The following SSH2 variants were observed in gnomAD, a reference collection of about 807,000 sequenced individuals.
The protein encoded by SSH2 is protein phosphatase Slingshot homolog 2.
Under a neutral mutation model 135.2 loss-of-function variants are expected in SSH2, and 37 were observed. The ratio of observed to expected loss-of-function variants is 0.27; its 90% CI spans 0.21 to 0.36. The LOEUF is 0.36. Among genes scored for constraint, SSH2 ranks in the 10% least tolerant of loss-of-function variants. The pLI is 1.00. For synonymous variants in SSH2, 628 were observed against 646.2 expected, an observed-to-expected ratio of 0.97 and a Z score of 0.43; for missense variants, 1,408 against 1,765.3, an observed-to-expected ratio of 0.80 and a Z score of 3.63.
rs1489420319 is a variant in SSH2 at position 29,901,120 on chromosome 17, G to C, written c.63+28818C>G. 3.3e-5 allele frequency among the ~76,000 whole-genome samples: 5 copies of C among 152,082 alleles called. No homozygotes were observed. The East Asian group carries it at 9.6e-4, about 29-fold the overall frequency. ...CAGGAAGGGAAACATCACACACCTG[G>C]GCCTGTTGTGGGTTGGGGGGAGGGG... On this transcript the variant is annotated intron_variant, in intron 1 of 15. Transcript: ENST00000540801.
In SSH2 at chr17:29,695,139, C is replaced by A. The variant is rs73987121; in HGVS notation, c.357+320G>T. Reference sequence around the variant, plus strand: ...GTTAAGTCCTTATCTAGAATAATTTCTTTCTACCAATCCAAATCTCATCAT... The same window carrying A: ...GTTAAGTCCTTATCTAGAATAATTTATTTCTACCAATCCAAATCTCATCAT... On this transcript the variant is annotated intron_variant, in intron 5 of 15. Transcript: ENST00000540801. Among the ~76,000 whole-genome samples the A allele has an allele frequency of 8.3e-3, 1,261 of 152,274 alleles. 19 individuals carry two copies. The highest frequency in any genetic ancestry group is 0.029 in the African/African-American group (1,207 of 41,542).
chr17:29,848,969 T>A, intron 1 of SSH2, 40 bp from the exon 2 acceptor site: 1 of 1,398,730 alleles, frequency 7.1e-7, no homozygotes, highest in Non-Finnish European at 9.8e-7. Flanking sequence ...TCCAAACGAA[T>A]GGGCCCATAA....
At chr17:29,803,844 C>A (rs185848449) in intron 2 of SSH2, among the ~76,000 whole-genome samples, 1 of 152,130 alleles carries the variant, frequency 6.6e-6, no homozygotes, top group Non-Finnish European at 1.5e-5. Context: ...GATATTTTTA[C>A]AGGTTAATGT....
Position 29,632,096 on chromosome 17 carries a change from G to A in SSH2, c.3098C>T (p.Pro1033Leu). ...ATATTCAATGATTTCTACCCTCTTG[G>A]GAAGGGGAAGAGGGACTGCTTGTGT... Reference protein sequence around the residue: ...SETQAVPLPLPKRVEIIEYTH... With the variant: ...SETQAVPLPLLKRVEIIEYTH... Residue 1033 changes from proline (P) to leucine (L), a missense_variant, in exon 16 of 16, where the codon CCC (proline) becomes CTC (leucine). Pro to Leu is a moderately conservative substitution (Grantham distance 98). Transcript: ENST00000540801. The A allele has an allele frequency of 1.2e-6, 2 of 1,614,168 alleles. No homozygotes were observed. Among genetic ancestry groups the A allele is most frequent in the Non-Finnish European group, 1.7e-6 (2 of 1,180,026 alleles).
intron 3 of SSH2, among the ~76,000 whole-genome samples, chr17:29,735,302 G>A (rs2040328100): frequency 6.6e-6 from 1 of 152,036 alleles, no homozygotes; most frequent in Admixed American, 6.6e-5. Context: ...AGAGGCAAAC[G>A]CTCAGTGATT....
chr17:29,921,728 C>T (rs994532073), intron 1 of SSH2, among the ~76,000 whole-genome samples: 2 of 152,034 alleles, frequency 1.3e-5, no homozygotes, highest in East Asian at 1.9e-4. Flanking sequence ...CATCCACCAC[C>T]GCATCTGGCT....
At chr17:29,762,091 G>T (rs1427449318) in intron 3 of SSH2, among the ~76,000 whole-genome samples, 1 of 151,992 alleles carries the variant, frequency 6.6e-6, no homozygotes, top group African/African-American at 2.4e-5. Flanking sequence ...GTGTTGGCCA[G>T]GCTGGTCTCA....
chr17:29,645,043 T>C (rs958368827), intron 14 of SSH2: 1 of 152,210 alleles, frequency 6.6e-6, no homozygotes, highest in African/African-American at 2.4e-5. Flanking sequence ...CAGGAGGCAG[T>C]AGTGATGTCA....
At chr17:29,741,333 T>C (rs554953212) in intron 3 of SSH2, among the ~76,000 whole-genome samples, 16 of 152,304 alleles carry the variant, frequency 1.1e-4, no homozygotes, top group African/African-American at 3.6e-4. Flanking sequence ...GTCCTAGCAA[T>C]CCCAGAATTG....
At chr17:29,727,728 T>C (rs2063570660) in intron 3 of SSH2, among the ~76,000 whole-genome samples, 2 of 152,134 alleles carry the variant, frequency 1.3e-5, no homozygotes, top group Admixed American at 6.6e-5. Context: ...AGTCACTGAA[T>C]GGGGAAAAAC....
chr17:29,894,830 C>A (rs933705104), intron 1 of SSH2, among the ~76,000 whole-genome samples: 2 of 152,088 alleles, frequency 1.3e-5, no homozygotes, highest in Non-Finnish European at 2.9e-5. Context: ...TACCATCCTT[C>A]CACCTTCCCC....
chr17:29,632,750 A>G lies in SSH2; in HGVS notation c.2444T>C (p.Leu815Pro). ...HTPKKNSIHE[L>P]LLERAQTPEN... The stretch of plus-strand genomic sequence containing the variant: ...TGGAGTCTGGGCCCTCTCAAGGAGC[A>G]GCTCATGGATGCTGTTCTTCTTTGG... Residue 815 changes from leucine to proline, a missense_variant, in exon 16 of 16, where the codon CTG becomes CCG. Around this residue, in one of 3 missense-constraint regions of SSH2, gnomAD observed 1,080 missense variants for 1,144.5 expected, o/e 0.94. Transcript: ENST00000540801. 6.2e-7 allele frequency: 1 copy of G among 1,614,242 alleles called. No individual in the cohort carries two copies. The highest frequency in any genetic ancestry group is 8.5e-7 in the Non-Finnish European group (1 of 1,180,034).
chr17:29,824,892 G>T (rs2042717545), intron 2 of SSH2, among the ~76,000 whole-genome samples: 1 of 152,120 alleles, frequency 6.6e-6, no homozygotes, highest in Non-Finnish European at 1.5e-5. Context: ...TGAAGAAAAA[G>T]ATATCTTTCC....
At chr17:29,921,371 A>G (rs191527968) in intron 1 of SSH2, among the ~76,000 whole-genome samples, 1 of 152,350 alleles carries the variant, frequency 6.6e-6, no homozygotes, top group East Asian at 1.9e-4. Flanking sequence ...GACTACACTT[A>G]AACATTTTTA....
At chr17:29,754,777 C>T (rs1467471282) in intron 3 of SSH2, among the ~76,000 whole-genome samples, 1 of 152,180 alleles carries the variant, frequency 6.6e-6, no homozygotes, top group East Asian at 1.9e-4. Context: ...CACCATCCTC[C>T]CACCTCAGCC....
Position 29,709,015 on chromosome 17 carries a change from T to TATATAGAGAGAGAGAGAG in SSH2, c.189-5954_189-5953insCTCTCTCTCTCTCTATAT, listed in dbSNP as rs780981175. Among the ~76,000 whole-genome samples, 197 of 81,580 alleles carry TATATAGAGAGAGAGAGAG rather than the reference T, an allele frequency of 2.4e-3. 2 individuals carry two copies. The highest frequency in any genetic ancestry group is 4.1e-3 in the Non-Finnish European group (165 of 40,692). The allele number at this position is 81,580 out of a possible 152,430, so 53.5% of individuals were successfully genotyped here. On this transcript the variant is annotated intron_variant, in intron 3 of 15. Coordinates refer to ENST00000540801, the MANE Select transcript of SSH2 (RefSeq NM_001282129.2). ...AGAAATATATATATATATATATATA[T>TATATAGAGAGAGAGAGAG]AGAGAGAGAGAGAGAGAGAGAGAGA...
chr17:29,679,955 C>T (rs2037898475), intron 6 of SSH2, among the ~76,000 whole-genome samples: 1 of 152,116 alleles, frequency 6.6e-6, no homozygotes, highest in Non-Finnish European at 1.5e-5. Flanking sequence ...TTTAACCTCT[C>T]TCAGCCTTAA....
chr17:29,808,502 CAT>C (rs1349054902), intron 2 of SSH2, among the ~76,000 whole-genome samples: 1 of 152,234 alleles, frequency 6.6e-6, no homozygotes, highest in African/African-American at 2.4e-5. Context: ...CTGACAGCCA[CAT>C]GTGCTTATAT....
chr17:29,685,457 A>G (rs563760918), intron 5 of SSH2, among the ~76,000 whole-genome samples: 22 of 152,306 alleles, frequency 1.4e-4, no homozygotes, highest in African/African-American at 5.3e-4. Context: ...GTGGGGACAG[A>G]TGAAAGAAAT....
Sources: gnomAD v4.1 joint callset for allele counts (sites outside exome capture counted in the v4.1 genomes callset) on GRCh38, gnomAD v4.1.1 for gene constraint, gnomAD v4.1.1 regional missense constraint, MANE v1.5 for transcripts, NCBI Gene and HGNC (gene_info 2026-07-23, HGNC 2026-07-21) for gene names.